Variants in FAM234B observed in about 807,000 individuals in gnomAD.
FAM234B encodes the protein family with sequence similarity 234 member B, also known as protein FAM234B.
A neutral mutation model predicts 69.3 loss-of-function variants in FAM234B; 33 were observed. That is an observed-to-expected ratio of 0.48 (90% confidence interval 0.36 to 0.64). The LOEUF is 0.64. Ranked by LOEUF, FAM234B falls within the 30% of genes least tolerant of loss-of-function variation. The pLI is 0.00. For synonymous variants in FAM234B, 306 were observed against 306.9 expected, an observed-to-expected ratio of 1.00 and a Z score of 0.03; for missense variants, 697 against 769.7, an observed-to-expected ratio of 0.91 and a Z score of 1.12.
At position 13,044,491 on chromosome 12, in the gene FAM234B, A is replaced by T; in HGVS notation, c.37+51A>T. ...CCCAGTCCCCGCCGGTGTTGGAATA[A>T]GGGGAGGCGAGGCTCTGGGGGCGAG... On this transcript the variant is annotated intron_variant, in intron 1 of 12. Transcript: ENST00000197268. The surrounding 1 kb of genome is among the most constrained non-coding windows in gnomAD (Gnocchi z 5.6). 6.5e-7 allele frequency: 1 copy of T among 1,541,348 alleles called. No individual in the cohort carries two copies. Among genetic ancestry groups the T allele is most frequent in the East Asian group, 2.5e-5 (1 of 40,806 alleles).
chr12:13,063,997 A>G (rs1381565465), intron 5 of FAM234B, among the ~76,000 whole-genome samples: 1 of 152,206 alleles, frequency 6.6e-6, no homozygotes, highest in African/African-American at 2.4e-5. Flanking sequence ...GAAATTATGT[A>G]GAATGGAATG....
chr12:13,044,430 C>T lies in FAM234B; in HGVS notation c.27C>T (p.Leu9=). Residue 9 remains leucine, a synonymous_variant, in exon 1 of 13, where the codon CTC becomes CTT. Coordinates refer to ENST00000197268, the MANE Select transcript of FAM234B (RefSeq NM_020853.2). This position sits in a 1 kb window ranked among gnomAD's most constrained non-coding sequence, Gnocchi z 5.6. MATVLSRA[L]KLPGKKSPDL... is the part of the protein sequence containing the mutation. ...TGGCGACCGTGCTGTCCAGGGCGCT[C>T]AAGCTGCCGGGTAAGGAGTCGCATG... 1 of 1,551,774 alleles carries T rather than the reference C, an allele frequency of 6.4e-7. No homozygotes were observed. Among genetic ancestry groups the T allele is most frequent in the South Asian group, 1.2e-5 (1 of 84,122 alleles).
At chr12:13,054,973 C>G (rs1864913294) in intron 1 of FAM234B, among the ~76,000 whole-genome samples, 1 of 152,178 alleles carries the variant, frequency 6.6e-6, no homozygotes, top group Non-Finnish European at 1.5e-5. Context: ...AAAGGGCATT[C>G]AAATCACAGG....
At chr12:13,079,231 C>T (rs1475154363) in intron 11 of FAM234B, among the ~76,000 whole-genome samples, 3 of 152,056 alleles carry the variant, frequency 2.0e-5, no homozygotes, top group South Asian at 2.1e-4. Context: ...TCAGAAATAA[C>T]GCTGCATACC....
intron 10 of FAM234B, among the ~76,000 whole-genome samples, 172 bp downstream of exon 10, chr12:13,071,568 CCT>C (rs1865107821): frequency 1.3e-5 from 2 of 152,186 alleles, no homozygotes; most frequent in African/African-American, 4.8e-5. Flanking sequence ...CTGAGCCACA[CCT>C]TTGCCTTTTA....
At chr12:13,053,110 C>G (rs558695648) in intron 1 of FAM234B, among the ~76,000 whole-genome samples, 15 of 152,134 alleles carry the variant, frequency 9.9e-5, no homozygotes, top group Non-Finnish European at 1.6e-4. Context: ...GATTTATTTT[C>G]TTGTAATTTG....
chr12:13,055,798 C>T lies in FAM234B; in HGVS notation c.285C>T (p.Ala95=), dbSNP rs769129452. 5 of 1,614,178 alleles carry T rather than the reference C, an allele frequency of 3.1e-6. No homozygotes were observed. The highest frequency in any genetic ancestry group is 1.7e-5 in the Admixed American group (1 of 60,026). ...TTGGGGGCCTGGAACAGAAGGCGGC[C>T]TCCTCCCTGGTGTCATATGTGCGCA... is the stretch of plus-strand genomic sequence containing the variant. ...EPLGGLEQKA[A]SSLVSYVRTS... The change falls in exon 2 of 13, where the codon GCC becomes GCT. Residue 95 remains alanine (A), a synonymous_variant. Transcript: ENST00000197268.
At chr12:13,068,901 C>G (rs887750224) in intron 9 of FAM234B, among the ~76,000 whole-genome samples, 190 bp downstream of exon 9, 12 of 152,040 alleles carry the variant, frequency 7.9e-5, no homozygotes, top group Non-Finnish European at 1.2e-4. Flanking sequence ...GCACTGGAAG[C>G]CTTTCTAGGA....
At chr12:13,060,227 G>A (rs1864970801) in intron 3 of FAM234B, among the ~76,000 whole-genome samples, 1 of 152,206 alleles carries the variant, frequency 6.6e-6, no homozygotes, top group Admixed American at 6.5e-5. Context: ...TGACCCTCAT[G>A]CCAAGCTGCT....
At chr12:13,057,771 G>T (rs1196963603) in intron 2 of FAM234B, among the ~76,000 whole-genome samples, 1 of 152,204 alleles carries the variant, frequency 6.6e-6, no homozygotes, top group Non-Finnish European at 1.5e-5. Flanking sequence ...CCACCCCCGT[G>T]GAGAGGAGGG....
rs1865223714 is a variant in FAM234B, at chr12:13,081,318, T to C, written c.*688T>C. On this transcript the variant is annotated 3_prime_UTR_variant, in exon 13 of 13. Coordinates refer to ENST00000197268, the MANE Select transcript of FAM234B (RefSeq NM_020853.2). The stretch of plus-strand genomic sequence containing the variant: ...CATGTCTATTAAGTGACCACAAGAA[T>C]AACTATATTCCTATCACAAGGGGAG... 1 of 152,260 alleles carries C rather than the reference T, an allele frequency of 6.6e-6. No individual in the cohort carries two copies. The highest frequency in any genetic ancestry group is 1.5e-5 in the Non-Finnish European group (1 of 68,062). 9.4% of individuals were successfully genotyped at this position (152,260 alleles called of 1,614,324 possible).
At chr12:13,073,545 C>T (rs928964461) in intron 10 of FAM234B, among the ~76,000 whole-genome samples, 2 of 152,148 alleles carry the variant, frequency 1.3e-5, no homozygotes, top group African/African-American at 4.8e-5. Flanking sequence ...TGTGCTTTGC[C>T]TTCAGGAGCA....
chr12:13,068,096 A>G (rs1276858907), intron 7 of FAM234B, among the ~76,000 whole-genome samples: 5 of 152,160 alleles, frequency 3.3e-5, no homozygotes, highest in Non-Finnish European at 5.9e-5. Context: ...TTGAACTTGT[A>G]TGGAATTTTC....
chr12:13,055,342 G>A (rs535210278), intron 1 of FAM234B, among the ~76,000 whole-genome samples: 1 of 152,330 alleles, frequency 6.6e-6, no homozygotes, highest in African/African-American at 2.4e-5. Flanking sequence ...TGATCCTGGA[G>A]CACTGTGCTT....
At chr12:13,071,124 C>A in intron 9 of FAM234B, 117 bp from the exon 10 acceptor site, 1 of 1,108,432 alleles carries the variant, frequency 9.0e-7, no homozygotes, top group Non-Finnish European at 1.3e-6. Flanking sequence ...ATCTTAAAAG[C>A]GCAGCGTGTT....
At chr12:13,051,496 G>A (rs1348715506) in intron 1 of FAM234B, among the ~76,000 whole-genome samples, 1 of 152,184 alleles carries the variant, frequency 6.6e-6, no homozygotes, top group Non-Finnish European at 1.5e-5. Flanking sequence ...ATGCTTGGAA[G>A]TTTTAATTGA....
intron 5 of FAM234B, among the ~76,000 whole-genome samples, chr12:13,064,028 G>C (rs761185169): frequency 9.2e-5 from 14 of 152,144 alleles, no homozygotes; most frequent in Admixed American, 6.6e-4. Context: ...AGATTTTGTG[G>C]CTTTCTGCCA....
intron 12 of FAM234B, among the ~76,000 whole-genome samples, chr12:13,080,258 T>G (rs1308862298): frequency 6.6e-6 from 1 of 152,226 alleles, no homozygotes; most frequent in Non-Finnish European, 1.5e-5. Flanking sequence ...GTCGTGGTTT[T>G]TATTGTCCCA....
At chr12:13,068,833 C>G (rs1865070430) in intron 9 of FAM234B, 122 bp downstream of exon 9, 2 of 636,042 alleles carry the variant, frequency 3.1e-6, no homozygotes, top group Admixed American at 2.9e-5. Context: ...CTTCAAAGAA[C>G]TCAAAGTCTC....
Sources: allele counts gnomAD v4.1 joint callset (sites outside exome capture counted in the v4.1 genomes callset), GRCh38; gene constraint gnomAD v4.1.1; non-coding constraint Gnocchi (gnomAD v3.1); transcripts MANE v1.5; gene names NCBI Gene and HGNC (gene_info 2026-07-23, HGNC 2026-07-21).